Variants in RMDN2 observed in about 807,000 individuals in gnomAD.
RMDN2 encodes the protein regulator of microtubule dynamics protein 2.
Under a neutral mutation model 52.8 loss-of-function variants are expected in RMDN2, and 61 were observed. The observed-to-expected ratio is 1.16, with a 90% CI of 0.94 to 1.43. The LOEUF is 1.43. Ranked by LOEUF, RMDN2 falls within the 40% of genes most tolerant of loss-of-function variation. RMDN2 has a pLI of 0.00. For missense variants in RMDN2, 592 were observed against 475.3 expected, an observed-to-expected ratio of 1.25 and a Z score of -2.28; for synonymous variants, 180 against 153.1, an observed-to-expected ratio of 1.18 and a Z score of -1.30.
chr2:38,049,256 A>G (rs1681450532), intron 10 of RMDN2, among the ~76,000 whole-genome samples: 1 of 152,144 alleles, frequency 6.6e-6, no homozygotes, highest in African/African-American at 2.4e-5. Context: ...AAAAGGGAGT[A>G]GAAGGAAGGA....
intron 4 of RMDN2, among the ~76,000 whole-genome samples, chr2:37,979,299 C>A (rs928718724): frequency 6.6e-6 from 1 of 152,048 alleles, no homozygotes; most frequent in South Asian, 2.1e-4. Context: ...GGAACCTATT[C>A]TATGGAAAAG....
At chr2:37,957,830 T>TAAGGAA (rs1281012672) in intron 2 of RMDN2, among the ~76,000 whole-genome samples, 1 of 152,204 alleles carries the variant, frequency 6.6e-6, no homozygotes, top group Non-Finnish European at 1.5e-5. Context: ...GTATAAGGTA[T>TAAGGAA]AAGGAAGGGG....
intron 2 of RMDN2, among the ~76,000 whole-genome samples, chr2:37,960,656 G>A (rs1572815351): frequency 1.3e-5 from 2 of 151,988 alleles, no homozygotes; most frequent in African/African-American, 2.4e-5. Context: ...AGGTTAATAT[G>A]TGTCTTTTAG....
chr2:37,932,181 C>G (rs988213347), intron 2 of RMDN2, among the ~76,000 whole-genome samples: 5 of 150,190 alleles, frequency 3.3e-5, no homozygotes, highest in Non-Finnish European at 3.0e-5. Context: ...ACAAAGGTCT[C>G]TGGTTTTCCT....
chr2:38,004,310 C>G, intron 10 of RMDN2, 94 bp downstream of exon 10: 1 of 822,380 alleles, frequency 1.2e-6, no homozygotes, highest in Non-Finnish European at 2.0e-6. Context: ...TTGTAGTTTT[C>G]TCTATTCAAT....
At position 37,931,249 on chromosome 2, in the gene RMDN2, T is replaced by G. The variant is rs150900965; in HGVS notation, c.452+1520T>G. ...CAAATGTAGGAAGATCTAAAAAATT[T>G]GTGTGACTCAGAAAAGAGACCTAGT... On this transcript the variant is annotated intron_variant, in intron 2 of 10. Transcript: ENST00000354545. 6.9e-3 allele frequency among the ~76,000 whole-genome samples: 1,053 copies of G among 152,298 alleles called. 13 individuals are homozygous for G. The highest frequency in any genetic ancestry group is 0.023 in the African/African-American group (969 of 41,550).
intron 10 of RMDN2, among the ~76,000 whole-genome samples, chr2:38,015,551 G>A (rs1407836997): frequency 2.8e-5 from 4 of 143,412 alleles, no homozygotes; most frequent in South Asian, 4.4e-4. Flanking sequence ...GCAACAGAGC[G>A]AGACTCCGTC....
intron 10 of RMDN2, among the ~76,000 whole-genome samples, chr2:38,040,597 G>A (rs1324371862): frequency 6.6e-6 from 1 of 152,136 alleles, no homozygotes; most frequent in Non-Finnish European, 1.5e-5. Context: ...TATAAATTAC[G>A]AGTCTAAGGT....
At chr2:38,000,715 T>C (rs1676201414) in intron 8 of RMDN2, among the ~76,000 whole-genome samples, 1 of 152,234 alleles carries the variant, frequency 6.6e-6, no homozygotes, top group African/African-American at 2.4e-5. Flanking sequence ...ATTATATGGA[T>C]ATACCATAAT....
chr2:38,060,895 C>T (rs565231904), intron 10 of RMDN2, among the ~76,000 whole-genome samples: 2 of 152,278 alleles, frequency 1.3e-5, no homozygotes, highest in East Asian at 3.9e-4. Context: ...TCAGCAACCC[C>T]ACTGGGATGA....
chr2:38,038,264 C>G (rs1223531309), intron 10 of RMDN2, among the ~76,000 whole-genome samples: 1 of 152,156 alleles, frequency 6.6e-6, no homozygotes, highest in Non-Finnish European at 1.5e-5. Context: ...CCCCCGGGCG[C>G]AAGGGGGACG....
chr2:38,016,899 C>T (rs1350245780), intron 10 of RMDN2, among the ~76,000 whole-genome samples: 1 of 151,880 alleles, frequency 6.6e-6, no homozygotes, highest in Admixed American at 6.6e-5. Flanking sequence ...AAACCCTTTA[C>T]TCATAGAGCG....
intron 2 of RMDN2, among the ~76,000 whole-genome samples, chr2:37,944,822 T>G (rs1018512351): frequency 1.3e-5 from 2 of 152,232 alleles, no homozygotes; most frequent in Non-Finnish European, 2.9e-5. Flanking sequence ...ATGTTTCACT[T>G]TTTGTTTTTG....
At chr2:38,062,777 C>A (rs566580172) in intron 10 of RMDN2, among the ~76,000 whole-genome samples, 158 of 121,364 alleles carry the variant, frequency 1.3e-3, no homozygotes, top group Middle Eastern at 4.0e-3. Flanking sequence ...CTTCCCCCCC[C>A]CCACAACAGT....
At chr2:38,018,526 G>A (rs1046339124), downstream of RMDN2, among the ~76,000 whole-genome samples, 27 of 152,036 alleles carry the variant, frequency 1.8e-4, no homozygotes, top group Non-Finnish European at 3.4e-4. Flanking sequence ...AACTACAATC[G>A]AATAACATTT....
chr2:38,021,395 C>G (rs1037350721), downstream of RMDN2, among the ~76,000 whole-genome samples: 4 of 152,170 alleles, frequency 2.6e-5, no homozygotes, highest in Non-Finnish European at 5.9e-5. Flanking sequence ...CCCCTCTGCA[C>G]TGTGGAAGCT....
chr2:37,943,192 G>A (rs1024286517), intron 2 of RMDN2, among the ~76,000 whole-genome samples: 2 of 152,220 alleles, frequency 1.3e-5, no homozygotes, highest in Non-Finnish European at 2.9e-5. Flanking sequence ...CAAGCACAAT[G>A]TGTAGCATGG....
chr2:37,945,900 T>C (rs1020595691), intron 2 of RMDN2, among the ~76,000 whole-genome samples: 1 of 152,102 alleles, frequency 6.6e-6, no homozygotes, highest in African/African-American at 2.4e-5. Flanking sequence ...TCTACAACAG[T>C]ATCCTAGGGG....
At chr2:38,018,975 C>G (rs755949378), downstream of RMDN2, among the ~76,000 whole-genome samples, 1 of 152,178 alleles carries the variant, frequency 6.6e-6, no homozygotes, top group Non-Finnish European at 1.5e-5. Context: ...ACCCCCTAGC[C>G]CCATCTTCTA....
Sources: allele counts gnomAD v4.1 joint callset (sites outside exome capture counted in the v4.1 genomes callset), GRCh38; gene constraint gnomAD v4.1.1; transcripts MANE v1.5; gene names NCBI Gene and HGNC (gene_info 2026-07-23, HGNC 2026-07-21).